Variants in SMC3 observed in about 807,000 individuals in gnomAD.
SMC3 encodes the protein structural maintenance of chromosomes 3.
In SMC3, 20 loss-of-function variants were observed where a neutral mutation model predicts 171.8. The observed-to-expected ratio is 0.12, with a 90% CI of 0.08 to 0.17. The LOEUF (loss-of-function observed/expected upper bound fraction) is 0.17. SMC3 is among the 10% of genes least tolerant of loss of function. The pLI is 1.00. For synonymous variants in SMC3, 464 were observed against 451.1 expected (o/e 1.03, Z -0.36); for missense variants, 543 against 1,420.4 (o/e 0.38, Z 9.93).
At position 110,593,149 on chromosome 10, in the gene SMC3, C is replaced by CTTATTTG; in HGVS notation, c.1890_1891insTATTTGT (p.Leu631TyrfsTer7). ...GCTTTCAAACATGTGTTTGGAAAGACTCTTATTTGTCGTAGCATGGAAGTT... is the reference window on the plus strand; with the variant it reads ...GCTTTCAAACATGTGTTTGGAAAGACTTATTTGTCTTATTTGTCGTAGCATGGAAGTT... On this transcript the variant is annotated frameshift_variant, in exon 18 of 29. Transcript: ENST00000361804. LOFTEE classifies it high-confidence loss of function. 6.2e-7 allele frequency: 1 copy of CTTATTTG among 1,614,048 alleles called. No homozygotes were observed. The highest frequency in any genetic ancestry group is 8.5e-7 in the Non-Finnish European group (1 of 1,179,890).
chr10:110,583,378 G>C lies in SMC3; in HGVS notation c.805-6G>C. 6.2e-7 allele frequency: 1 copy of C among 1,610,744 alleles called. No individual in the cohort carries two copies. Among genetic ancestry groups the C allele is most frequent in the East Asian group, 2.2e-5 (1 of 44,818 alleles). ...GCCTTATTTTCTGTTTAATACTTTTGAATAGGATATCGAACGCCAAGTTAG... is the reference window on the plus strand; with the variant it reads ...GCCTTATTTTCTGTTTAATACTTTTCAATAGGATATCGAACGCCAAGTTAG... On this transcript the variant is annotated splice_polypyrimidine_tract_variant and splice_region_variant and intron_variant, in intron 10 of 28. Transcript: ENST00000361804.
At chr10:110,597,745 G>A (rs780778757) in intron 19 of SMC3, among the ~76,000 whole-genome samples, 2 of 152,200 alleles carry the variant, frequency 1.3e-5, no homozygotes. Context: ...TCCACACATG[G>A]CAAGAACTCT....
chr10:110,598,339 T>TA (rs1466615217), intron 20 of SMC3, 49 bp downstream of exon 20: 1 of 1,523,396 alleles, frequency 6.6e-7, no homozygotes, highest in South Asian at 1.1e-5. Context: ...AGATTAATAA[T>TA]ATGGAAATAT....
At chr10:110,592,857 A>G (rs1429103126) in intron 17 of SMC3, among the ~76,000 whole-genome samples, 1 of 152,230 alleles carries the variant, frequency 6.6e-6, no homozygotes, top group African/African-American at 2.4e-5. Context: ...CTTTAGCACT[A>G]TTAGGCTCTA....
intron 4 of SMC3, 95 bp from the exon 5 acceptor site, chr10:110,577,326 A>C (rs1037320155): frequency 2.2e-6 from 2 of 915,370 alleles, no homozygotes; most frequent in African/African-American, 1.6e-5. Flanking sequence ...TCTCCATTGA[A>C]TCAGACTTGT....
At chr10:110,576,591 T>A (rs1185175775) in intron 4 of SMC3, among the ~76,000 whole-genome samples, 1 of 152,236 alleles carries the variant, frequency 6.6e-6, no homozygotes, top group Non-Finnish European at 1.5e-5. Flanking sequence ...TTCCTCAACA[T>A]GTCTTAACAG....
chr10:110,600,634 A>C, intron 22 of SMC3, 88 bp downstream of exon 22: 1 of 770,702 alleles, frequency 1.3e-6, no homozygotes, highest in Non-Finnish European at 2.3e-6. Flanking sequence ...TCTGATTGAA[A>C]GCATGGGCTT....
intron 13 of SMC3, among the ~76,000 whole-genome samples, chr10:110,586,461 C>T (rs1029295429): frequency 6.6e-6 from 1 of 152,234 alleles, no homozygotes; most frequent in South Asian, 2.1e-4. Flanking sequence ...AATGAGTTTT[C>T]TCTTGAGTTT....
chr10:110,596,062 C>A (rs1245871154), intron 18 of SMC3, among the ~76,000 whole-genome samples: 1 of 150,704 alleles, frequency 6.6e-6, no homozygotes, highest in Non-Finnish European at 1.5e-5. Flanking sequence ...CATAGCAAGA[C>A]CTGGTCTCTA....
At chr10:110,595,320 C>G (rs1861281679) in intron 18 of SMC3, among the ~76,000 whole-genome samples, 1 of 152,128 alleles carries the variant, frequency 6.6e-6, no homozygotes, top group Admixed American at 6.6e-5. Flanking sequence ...GCTCCCTTCT[C>G]CCCACCCAGA....
chr10:110,587,877 A>T (rs561592604), intron 13 of SMC3, among the ~76,000 whole-genome samples: 1 of 152,284 alleles, frequency 6.6e-6, no homozygotes, highest in South Asian at 2.1e-4. Flanking sequence ...CAGAAAAGTT[A>T]AATTTTACCT....
intron 18 of SMC3, among the ~76,000 whole-genome samples, chr10:110,596,187 A>G (rs1329939216): frequency 2.1e-5 from 3 of 141,006 alleles, no homozygotes; most frequent in Non-Finnish European, 3.0e-5. Context: ...GCACCACTGC[A>G]CTCCAGCCTG....
chr10:110,582,306 ATGG>A (rs1861043717), intron 9 of SMC3, among the ~76,000 whole-genome samples: 2 of 152,190 alleles, frequency 1.3e-5, no homozygotes, highest in South Asian at 2.1e-4. Flanking sequence ...ATATAATCAG[ATGG>A]TGGTATTAGG....
chr10:110,602,915 G>T lies in SMC3; in HGVS notation c.3388G>T (p.Ala1130Ser), dbSNP rs1293517519. 2 of 1,613,962 alleles carry T rather than the reference G, an allele frequency of 1.2e-6. No individual in the cohort carries two copies. Among genetic ancestry groups the T allele is most frequent in the Admixed American group, 1.7e-5 (1 of 60,006 alleles). The change falls in exon 27 of 29, where the codon GCC becomes TCC. Residue 1130 changes from alanine (A) to serine (S), a missense_variant. By Grantham distance (99) the Ala-to-Ser change is moderately conservative (BLOSUM62 1). Coordinates refer to ENST00000361804, the MANE Select transcript of SMC3 (RefSeq NM_005445.4). ...CTTGGTAGCCCTTGCTCTGATTTTT[G>T]CCATTCAGAAATGTGACCCGGCTCC... Reference protein sequence around the residue: ...KSLVALALIFAIQKCDPAPFY... With the variant: ...KSLVALALIFSIQKCDPAPFY...
chr10:110,570,588 T>A (rs1014013751), intron 2 of SMC3, among the ~76,000 whole-genome samples: 1 of 152,184 alleles, frequency 6.6e-6, no homozygotes, highest in Non-Finnish European at 1.5e-5. Context: ...AAAATAAGAA[T>A]TATTAGATTT....
rs1355829331 is a variant in SMC3, at chr10:110,603,305, C to T, written c.3582+15C>T. ...TCAGAAATAAGGTAATTTTATTTTACATTGAGTTTAAGTTTGTATTTATTC... is the reference window on the plus strand; with the variant it reads ...TCAGAAATAAGGTAATTTTATTTTATATTGAGTTTAAGTTTGTATTTATTC... On this transcript the variant is annotated intron_variant, in intron 28 of 28. Transcript: ENST00000361804. The T allele has an allele frequency of 2.1e-6, 3 of 1,426,626 alleles. No homozygotes were observed. The Admixed American group carries it at 5.0e-5, about 24-fold the overall frequency. 88.4% of individuals were successfully genotyped at this position (1,426,626 alleles called of 1,614,324 possible).
intron 19 of SMC3, among the ~76,000 whole-genome samples, chr10:110,597,155 A>G (rs1356331405): frequency 6.6e-6 from 1 of 151,854 alleles, no homozygotes; most frequent in Non-Finnish European, 1.5e-5. Context: ...AAAAAAAAAA[A>G]AAAGGTGACA....
chr10:110,577,935 T>TA (rs1406069454), intron 6 of SMC3, 21 bp downstream of exon 6: 9 of 1,513,850 alleles, frequency 5.9e-6, no homozygotes, highest in African/African-American at 4.1e-5. Context: ...TTCTTTTTTT[T>TA]AAAAAAACTG....
chr10:110,570,819 C>G (rs1860860030), intron 2 of SMC3, among the ~76,000 whole-genome samples: 1 of 152,140 alleles, frequency 6.6e-6, no homozygotes, highest in African/African-American at 2.4e-5. Context: ...TTTTGTTTAA[C>G]TAAAACAAAT....
Sources: gnomAD v4.1 joint callset for allele counts (sites outside exome capture counted in the v4.1 genomes callset) on GRCh38, gnomAD v4.1.1 for gene constraint, MANE v1.5 for transcripts, NCBI Gene and HGNC (gene_info 2026-07-23, HGNC 2026-07-21) for gene names.